CUBN: variants seen among roughly 807,000 people sequenced by gnomAD.
The protein encoded by CUBN is cubilin.
In CUBN, 282 loss-of-function variants were observed where a neutral mutation model predicts 405.3. The ratio of observed to expected loss-of-function variants is 0.70; its 90% CI spans 0.63 to 0.77. The LOEUF is 0.77. Among genes scored for constraint, CUBN ranks in the 30% least tolerant of loss-of-function variants. The pLI, the probability that CUBN is intolerant of heterozygous loss-of-function variation, is 0.00. For missense variants in CUBN, 4,514 were observed against 4,475.2 expected, an observed-to-expected ratio of 1.01 and a Z score of -0.25; for synonymous variants, 1,684 against 1,617.0, an observed-to-expected ratio of 1.04 and a Z score of -0.99.
intron 28 of CUBN, among the ~76,000 whole-genome samples, chr10:17,008,250 T>G (rs1834082850): frequency 6.7e-6 from 1 of 149,524 alleles, no homozygotes; most frequent in South Asian, 2.1e-4. Context: ...TGTGTGTGTG[T>G]GTGTGTGTGT....
chr10:17,048,464 G>A (rs1835188431), intron 22 of CUBN, among the ~76,000 whole-genome samples: 1 of 151,808 alleles, frequency 6.6e-6, no homozygotes, highest in African/African-American at 2.4e-5. Flanking sequence ...AGAAAATCTG[G>A]TTTGAATGCT....
chr10:16,890,646 A>C, intron 54 of CUBN, 119 bp from the exon 55 acceptor site: 1 of 957,972 alleles, frequency 1.0e-6, no homozygotes, highest in Non-Finnish European at 1.7e-6. Context: ...AGAGTAAACA[A>C]AACATGGACA....
chr10:17,061,707 T>A (rs1002031784), intron 22 of CUBN, among the ~76,000 whole-genome samples: 3 of 152,188 alleles, frequency 2.0e-5, no homozygotes, highest in Non-Finnish European at 2.9e-5. Context: ...CCTGTGTTGT[T>A]GTTGTTGGGA....
intron 61 of CUBN, among the ~76,000 whole-genome samples, 173 bp from the exon 62 acceptor site, chr10:16,840,708 C>T (rs1480286853): frequency 6.6e-6 from 1 of 152,102 alleles, no homozygotes; most frequent in East Asian, 1.9e-4. Flanking sequence ...ATTTGTACCA[C>T]AGATTAAACA....
At chr10:16,891,393 C>T (rs184228999) in intron 54 of CUBN, among the ~76,000 whole-genome samples, 1 of 151,976 alleles carries the variant, frequency 6.6e-6, no homozygotes, top group African/African-American at 2.4e-5. Context: ...GAGCCTGCCC[C>T]GAGCGAACCC....
At chr10:17,019,778 A>G in intron 28 of CUBN, 55 bp downstream of exon 28, 1 of 1,612,572 alleles carries the variant, frequency 6.2e-7, no homozygotes, top group Non-Finnish European at 8.5e-7. Context: ...GAAAAAGAAA[A>G]AATTCTTGGC....
intron 6 of CUBN, among the ~76,000 whole-genome samples, chr10:17,121,064 CA>C (rs1398554690): frequency 6.6e-6 from 1 of 152,056 alleles, no homozygotes; most frequent in Non-Finnish European, 1.5e-5. Flanking sequence ...CCAAGCCTAA[CA>C]AAGGCAGGGA....
intron 31 of CUBN, among the ~76,000 whole-genome samples, chr10:16,974,892 T>C (rs1833046884): frequency 6.6e-6 from 1 of 152,350 alleles, no homozygotes; most frequent in East Asian, 1.9e-4. Flanking sequence ...GTTTTCTTGA[T>C]AGCATTTTAT....
At position 17,026,696 on chromosome 10, in the gene CUBN, T is replaced by C. The variant is rs1184811133; in HGVS notation, c.4018-6713A>G. 1.3e-5 allele frequency among the ~76,000 whole-genome samples: 2 copies of C among 151,766 alleles called. 1 individual carries two copies. The highest frequency in any genetic ancestry group is 4.8e-5 in the African/African-American group (2 of 41,274). On this transcript the variant is annotated intron_variant, in intron 27 of 66. Transcript: ENST00000377833. ...GGAGATACAGCGCTTCCATTGTGGA[T>C]AAGCAAAGCCCAAGGGGGCAAATGC...
At chr10:17,095,224 C>G (rs1239819127) in intron 14 of CUBN, among the ~76,000 whole-genome samples, 1 of 151,912 alleles carries the variant, frequency 6.6e-6, no homozygotes, top group African/African-American at 2.4e-5. Context: ...AAACTGAACC[C>G]TTATCCCACA....
chr10:16,892,448 A>G (rs1841060268), intron 54 of CUBN, among the ~76,000 whole-genome samples: 2 of 152,132 alleles, frequency 1.3e-5, no homozygotes, highest in Admixed American at 6.5e-5. Context: ...ACATTTCATA[A>G]AATTATAAAC....
chr10:16,918,634 T>C lies in CUBN; in HGVS notation c.6988A>G (p.Lys2330Glu), dbSNP rs760634385. The C allele has an allele frequency of 6.2e-7, 1 of 1,613,546 alleles. No homozygotes were observed. The highest frequency in any genetic ancestry group is 2.2e-5 in the East Asian group (1 of 44,870). ...AAAAAATTATTACCTATAGAATACT[T>C]GGCCTTGAATCCCACATGTGTGGGG... ...NSPTHVGFKA[K>E]YSIAQCGGRV... Residue 2330 changes from lysine (K) to glutamate (E), a missense_variant, in exon 45 of 67, where the codon AAG becomes GAG. By Grantham distance (56) the Lys-to-Glu change is moderately conservative. Around this residue, in one of 5 missense-constraint regions of CUBN, gnomAD observed 1,613 missense variants for 1,542.8 expected, o/e 1.05. Coordinates refer to ENST00000377833, the MANE Select transcript of CUBN (RefSeq NM_001081.4).
At chr10:17,109,259 C>G (rs1360214867) in intron 10 of CUBN, among the ~76,000 whole-genome samples, 1 of 152,122 alleles carries the variant, frequency 6.6e-6, no homozygotes, top group Non-Finnish European at 1.5e-5. Flanking sequence ...ACTCAGGATG[C>G]CTGAAATATA....
chr10:17,015,144 T>C (rs1834292970), intron 28 of CUBN, among the ~76,000 whole-genome samples: 1 of 152,230 alleles, frequency 6.6e-6, no homozygotes, highest in South Asian at 2.1e-4. Flanking sequence ...TTTAAATGTT[T>C]AACAATATCC....
At position 17,085,587 on chromosome 10, in the gene CUBN, G is replaced by T. The variant is rs752409034; in HGVS notation, c.2110+10C>A. The T allele has an allele frequency of 3.1e-6, 5 of 1,613,238 alleles. No homozygotes were observed. In the Admixed American group the frequency reaches 8.3e-5, roughly 27 times the overall value. ...ATCCCTCTTAAGCCCCCAACTGGTA[G>T]GTTACTTACAAGGTGATGTTAAGTA... On this transcript the variant is annotated intron_variant, in intron 16 of 66. Transcript: ENST00000377833.
At chr10:17,119,265 T>C (rs1302923351) in intron 6 of CUBN, among the ~76,000 whole-genome samples, 2 of 152,216 alleles carry the variant, frequency 1.3e-5, no homozygotes, top group Non-Finnish European at 2.9e-5. Context: ...AACTCAACTT[T>C]TTGTTTTTCT....
chr10:17,063,666 T>C (rs1469540185), intron 22 of CUBN, among the ~76,000 whole-genome samples: 3 of 152,186 alleles, frequency 2.0e-5, no homozygotes, highest in Non-Finnish European at 4.4e-5. Context: ...GCACAAAATA[T>C]TGCCTTACAA....
At chr10:16,887,084 A>G (rs1840843035) in intron 56 of CUBN, among the ~76,000 whole-genome samples, 1 of 152,204 alleles carries the variant, frequency 6.6e-6, no homozygotes, top group South Asian at 2.1e-4. Flanking sequence ...CACCGTGCCC[A>G]GCCTATATTA....
At chr10:17,114,251 A>C in intron 7 of CUBN, 62 bp from the exon 8 acceptor site, 1 of 1,535,308 alleles carries the variant, frequency 6.5e-7, no homozygotes. Flanking sequence ...AAAGCCTTTG[A>C]ACATTTCATC....
Sources: allele counts gnomAD v4.1 joint callset (sites outside exome capture counted in the v4.1 genomes callset), GRCh38; gene constraint gnomAD v4.1.1; regional missense constraint gnomAD v4.1.1; transcripts MANE v1.5; gene names NCBI Gene and HGNC (gene_info 2026-07-23, HGNC 2026-07-21).